The following NRXN1 variants were observed in gnomAD, a reference collection of about 807,000 sequenced individuals.
NRXN1 encodes neurexin-1.
NRXN1 carries 39 observed loss-of-function variants against 150.9 expected under a neutral mutation model. The ratio of observed to expected loss-of-function variants is 0.26; its 90% CI spans 0.20 to 0.34. NRXN1 has a LOEUF of 0.34. NRXN1 is among the 10% of genes least tolerant of loss of function. The pLI is 1.00. For synonymous variants in NRXN1, 924 were observed against 757.0 expected, an observed-to-expected ratio of 1.22 and a Z score of -3.62; for missense variants, 1,815 against 1,949.9, an observed-to-expected ratio of 0.93 and a Z score of 1.30.
intron 19 of NRXN1, among the ~76,000 whole-genome samples, chr2:50,062,506 AAATACCATGTAAC>A (rs1228879840): frequency 1.3e-5 from 2 of 152,190 alleles, no homozygotes; most frequent in African/African-American, 4.8e-5. Flanking sequence ...AAATGGACAA[AAATACCATGTAAC>A]AATATTTGGT....
At chr2:50,674,643 T>C (rs1053996795) in intron 5 of NRXN1, among the ~76,000 whole-genome samples, 1 of 152,064 alleles carries the variant, frequency 6.6e-6, no homozygotes, top group Non-Finnish European at 1.5e-5. Flanking sequence ...TGAGAGTGTT[T>C]GGGAGTAGAA....
chr2:49,987,901 T>C (rs986883411), intron 21 of NRXN1, among the ~76,000 whole-genome samples: 1 of 152,108 alleles, frequency 6.6e-6, no homozygotes, highest in African/African-American at 2.4e-5. Flanking sequence ...ATATATTTAG[T>C]TGTAATTTCA....
chr2:50,091,945 T>A (rs1699639881), intron 18 of NRXN1, among the ~76,000 whole-genome samples: 1 of 152,210 alleles, frequency 6.6e-6, no homozygotes, highest in South Asian at 2.1e-4. Context: ...GAAATCATTC[T>A]AAAGGGTATG....
In NRXN1 at chr2:50,461,434, G is replaced by A. The variant is rs566415825; in HGVS notation, c.3364+4008C>T. 3.9e-5 allele frequency among the ~76,000 whole-genome samples: 6 copies of A among 152,030 alleles called. No homozygotes were observed. In the East Asian group the frequency reaches 7.7e-4, roughly 20 times the overall value. On this transcript the variant is annotated intron_variant, in intron 17 of 22. Coordinates refer to ENST00000401669, the MANE Select transcript of NRXN1 (RefSeq NM_001330078.2). Reference sequence around the variant, plus strand: ...GTAATGTGACAATGTTATTATGTTCGCTATTTTGCATACGGTCATAGCCAT... The same window carrying A: ...GTAATGTGACAATGTTATTATGTTCACTATTTTGCATACGGTCATAGCCAT...
chr2:50,446,409 TTCCTTCCTTCCCTCCTTCCTTTCC>T (rs1219849124), intron 17 of NRXN1, among the ~76,000 whole-genome samples: 2 of 130,110 alleles, frequency 1.5e-5, no homozygotes, highest in Admixed American at 8.2e-5. Flanking sequence ...TGCTTGCCCC[TTCCTTCCTTCCCTCCTTCCTTTCC>T]TCCTTCCTTC....
At chr2:50,393,560 G>T (rs937890944) in intron 17 of NRXN1, among the ~76,000 whole-genome samples, 12 of 152,098 alleles carry the variant, frequency 7.9e-5, no homozygotes, top group Non-Finnish European at 1.0e-4. Context: ...AAATTAGGCT[G>T]TTCCAAAGTC....
At chr2:50,146,663 T>C (rs1708053298) in intron 18 of NRXN1, among the ~76,000 whole-genome samples, 1 of 151,704 alleles carries the variant, frequency 6.6e-6, no homozygotes, top group African/African-American at 2.4e-5. Flanking sequence ...TATATTGCTA[T>C]TATACTTAGG....
At chr2:50,830,080 C>T (rs995355017) in intron 5 of NRXN1, among the ~76,000 whole-genome samples, 3 of 144,218 alleles carry the variant, frequency 2.1e-5, no homozygotes, top group Admixed American at 7.2e-5. Context: ...ACACACCATC[C>T]GTTTATAGAG....
chr2:50,446,284 C>T (rs2086393198), intron 17 of NRXN1, among the ~76,000 whole-genome samples: 1 of 152,156 alleles, frequency 6.6e-6, no homozygotes. Context: ...GTCACTATGT[C>T]TGGCTTTTAT....
chr2:50,187,540 T>C (rs570581995), intron 18 of NRXN1, among the ~76,000 whole-genome samples: 73 of 152,238 alleles, frequency 4.8e-4, no homozygotes, highest in Non-Finnish European at 8.4e-4. Flanking sequence ...CCAGCTTTGT[T>C]CTTTTTGTTT....
rs759662827 is a variant in NRXN1, at chr2:50,903,497, GT to G, written c.832+18371del. Among the ~76,000 whole-genome samples the G allele has an allele frequency of 2.0e-5, 3 of 152,102 alleles. No individual in the cohort carries two copies. The South Asian group carries it at 6.2e-4, about 31-fold the overall frequency. ...ATTATAGAAGTATTCTGGGGGAGGT[GT>G]TTTTTTGTTTTGGTTTTTGTTTTTT... On this transcript the variant is annotated intron_variant, in intron 5 of 22. Coordinates refer to ENST00000401669, the MANE Select transcript of NRXN1 (RefSeq NM_001330078.2).
At chr2:50,176,125 G>C (rs995328851) in intron 18 of NRXN1, among the ~76,000 whole-genome samples, 2 of 152,008 alleles carry the variant, frequency 1.3e-5, no homozygotes, top group Admixed American at 6.6e-5. Flanking sequence ...CATGAATAAA[G>C]AATTAAAAGG....
intron 17 of NRXN1, among the ~76,000 whole-genome samples, chr2:50,272,509 A>G (rs922184850): frequency 6.6e-6 from 1 of 152,236 alleles, no homozygotes; most frequent in Admixed American, 6.5e-5. Flanking sequence ...AGATTTAGCC[A>G]GAAAATATTG....
At chr2:49,961,280 T>G (rs1270276420) in intron 21 of NRXN1, among the ~76,000 whole-genome samples, 2 of 151,804 alleles carry the variant, frequency 1.3e-5, no homozygotes, top group Non-Finnish European at 2.9e-5. Context: ...GCATTGTTGC[T>G]TTAACTTTGA....
rs554350915 is a variant in NRXN1 at position 51,016,974 on chromosome 2, A to G, written c.772+10528T>C. On this transcript the variant is annotated intron_variant, in intron 2 of 22. Transcript: ENST00000401669. ...TTGCAGGGACATGGATGAAGCTGGA[A>G]ACCATTGTTCTCAGCAAAATAACAC... Among the ~76,000 whole-genome samples, 826 of 152,232 alleles carry G rather than the reference A, an allele frequency of 5.4e-3. 5 individuals carry two copies. The highest frequency in any genetic ancestry group is 0.019 in the African/African-American group (782 of 41,540).
intron 8 of NRXN1, among the ~76,000 whole-genome samples, chr2:50,582,293 G>A (rs565905287): frequency 6.6e-6 from 1 of 151,910 alleles, no homozygotes; most frequent in South Asian, 2.1e-4. Flanking sequence ...ACTTTGAGAG[G>A]TGGAGGACTG....
intron 8 of NRXN1, among the ~76,000 whole-genome samples, chr2:50,598,517 T>C (rs1293970730): frequency 6.6e-6 from 1 of 151,184 alleles, no homozygotes; most frequent in Non-Finnish European, 1.5e-5. Flanking sequence ...TACACATACT[T>C]ATAAGCTGTA....
At chr2:50,189,878 A>G (rs2061341584) in intron 18 of NRXN1, among the ~76,000 whole-genome samples, 1 of 152,186 alleles carries the variant, frequency 6.6e-6, no homozygotes, top group Non-Finnish European at 1.5e-5. Flanking sequence ...GAACTCCTTC[A>G]TGCTATACAG....
intron 5 of NRXN1, among the ~76,000 whole-genome samples, chr2:50,889,796 A>G (rs1680788522): frequency 6.6e-6 from 1 of 151,678 alleles, no homozygotes; most frequent in African/African-American, 2.4e-5. Flanking sequence ...AAATTTTATA[A>G]AGCATTCATA....
Sources: allele counts gnomAD v4.1 joint callset (sites outside exome capture counted in the v4.1 genomes callset), GRCh38; gene constraint gnomAD v4.1.1; transcripts MANE v1.5; gene names NCBI Gene and HGNC (gene_info 2026-07-23, HGNC 2026-07-21).